PCDHGB6: variants seen among roughly 807,000 people sequenced by gnomAD.
The protein encoded by PCDHGB6 is protocadherin gamma subfamily B, 6.
In PCDHGB6, 51 loss-of-function variants were observed where a neutral mutation model predicts 59.1. The ratio of observed to expected loss-of-function variants is 0.86; its 90% confidence interval spans 0.69 to 1.09. The LOEUF is 1.09. Among genes scored for constraint, PCDHGB6 ranks in the 50% least tolerant of loss-of-function variants. The pLI, the probability that PCDHGB6 is intolerant of heterozygous loss-of-function variation, is 0.00. For synonymous variants in PCDHGB6, 466 were observed against 495.1 expected (o/e 0.94, Z 0.78); for missense variants, 1,148 against 1,205.1 (o/e 0.95, Z 0.70).
intron 1 of PCDHGB6, among the ~76,000 whole-genome samples, chr5:141,457,873 G>C (rs967389295): frequency 2.0e-5 from 3 of 152,200 alleles, no homozygotes; most frequent in Non-Finnish European, 4.4e-5. Context: ...CCACAGGTTA[G>C]GAACCCTGTG....
At chr5:141,413,118 G>C (rs999214227) in intron 1 of PCDHGB6, 1 of 1,517,152 alleles carries the variant, frequency 6.6e-7, no homozygotes, top group Non-Finnish European at 8.9e-7. Flanking sequence ...CAAAGGAACC[G>C]GTTGAAACAC....
intron 1 of PCDHGB6, among the ~76,000 whole-genome samples, chr5:141,474,085 AAAAC>A (rs937548165): frequency 1.3e-5 from 2 of 152,188 alleles, no homozygotes; most frequent in African/African-American, 4.8e-5. Flanking sequence ...CAAAAACCAA[AAAAC>A]AAACAACAAC....
intron 1 of PCDHGB6, chr5:141,414,115 G>A: frequency 6.3e-7 from 1 of 1,591,952 alleles, no homozygotes; most frequent in Middle Eastern, 1.7e-4. Flanking sequence ...TCTAGATTAT[G>A]AAGAAACCGG....
At position 141,454,796 on chromosome 5, in the gene PCDHGB6, A is replaced by ATTTTT. The variant is rs61612330; in HGVS notation, c.2419-39986_2419-39982dup. ...AAGGAAATAATCCTCCATGGTTCTA[A>ATTTTT]TTTTTTTTTTTTTTTTTTTTTTTTT... On this transcript the variant is annotated intron_variant, in intron 1 of 3. Coordinates refer to ENST00000520790, the MANE Select transcript of PCDHGB6 (RefSeq NM_018926.3). 4.5e-3 allele frequency among the ~76,000 whole-genome samples: 350 copies of ATTTTT among 77,444 alleles called. 39 individuals are homozygous for ATTTTT. The highest frequency in any genetic ancestry group is 0.016 in the African/African-American group (266 of 16,872). The allele number at this position is 77,444 out of a possible 152,430, so 50.8% of individuals were successfully genotyped here.
intron 1 of PCDHGB6, among the ~76,000 whole-genome samples, chr5:141,471,744 A>G (rs2099263733): frequency 6.6e-6 from 1 of 152,208 alleles, no homozygotes; most frequent in South Asian, 2.1e-4. Context: ...GAGACATAAC[A>G]TATTTGAGGG....
Position 141,409,740 on chromosome 5 carries a change from T to C in PCDHGB6, c.1538T>C (p.Val513Ala). Residue 513 changes from valine to alanine, a missense_variant, in exon 1 of 4, where the codon GTG (valine) becomes GCG (alanine). Val to Ala is a moderately conservative substitution (Grantham distance 64). This residue lies in a region of PCDHGB6 where 549 missense variants were observed against 527.5 expected (regional missense o/e 1.04). Transcript: ENST00000520790. Reference protein sequence around the residue: ...SYVSVSAQSGVVFAQRAFDHE... With the variant: ...SYVSVSAQSGAVFAQRAFDHE... ...GTGTCAGTGAGCGCGCAGAGCGGGGTGGTGTTCGCGCAGCGCGCCTTTGAT... is the reference window on the plus strand; with the variant it reads ...GTGTCAGTGAGCGCGCAGAGCGGGGCGGTGTTCGCGCAGCGCGCCTTTGAT... 6.2e-7 allele frequency: 1 copy of C among 1,612,820 alleles called. No homozygotes were observed. The highest frequency in any genetic ancestry group is 8.5e-7 in the Non-Finnish European group (1 of 1,179,816).
Position 141,476,464 on chromosome 5 carries a change from G to A in PCDHGB6, c.2419-18343G>A, listed in dbSNP as rs745664477. On this transcript the variant is annotated intron_variant, in intron 1 of 3. Transcript: ENST00000520790. This position sits in a 1 kb window ranked among gnomAD's most constrained non-coding sequence, Gnocchi z 7.6. ...TGGAGTTGGTAGTGGAGAACCCGCT[G>A]GAGCTGTTCAGCGTGGAAGTGGTGA... 3 of 1,614,140 alleles carry A rather than the reference G, an allele frequency of 1.9e-6. No homozygotes were observed. Among genetic ancestry groups the A allele is most frequent in the Non-Finnish European group, 2.5e-6 (3 of 1,180,014 alleles).
At chr5:141,471,901 G>C (rs1224804131) in intron 1 of PCDHGB6, among the ~76,000 whole-genome samples, 1 of 152,146 alleles carries the variant, frequency 6.6e-6, no homozygotes, top group Non-Finnish European at 1.5e-5. Context: ...ATTGACTACA[G>C]ACAAGCATGA....
At chr5:141,423,238 G>A (rs765040062) in intron 1 of PCDHGB6, 3 of 1,613,778 alleles carry the variant, frequency 1.9e-6, no homozygotes, top group South Asian at 1.1e-5. Flanking sequence ...CAGCATCCCC[G>A]AAGTCCTGGC....
At chr5:141,502,368 G>A (rs2099813930) in intron 2 of PCDHGB6, among the ~76,000 whole-genome samples, 1 of 151,996 alleles carries the variant, frequency 6.6e-6, no homozygotes, top group East Asian at 1.9e-4. Context: ...TATTTTTAAA[G>A]AGTCCAGGCC....
At chr5:141,414,533 C>A in intron 1 of PCDHGB6, 1 of 1,613,960 alleles carries the variant, frequency 6.2e-7, no homozygotes, top group Non-Finnish European at 8.5e-7. Context: ...AATGACAACC[C>A]ACCTACCTTC....
In PCDHGB6 at chr5:141,477,472, C is replaced by T. The variant is rs764533834; in HGVS notation, c.2419-17335C>T. 1 of 1,614,156 alleles carries T rather than the reference C, an allele frequency of 6.2e-7. No homozygotes were observed. Among genetic ancestry groups the T allele is most frequent in the South Asian group, 1.1e-5 (1 of 91,080 alleles). Reference sequence around the variant, plus strand: ...GTGTTCAAGTGTCCGACATCAATGACAACCCTCCACAATCTTCTCAATCTT... The same window carrying T: ...GTGTTCAAGTGTCCGACATCAATGATAACCCTCCACAATCTTCTCAATCTT... On this transcript the variant is annotated intron_variant, in intron 1 of 3. Transcript: ENST00000520790. This position sits in a 1 kb window ranked among gnomAD's most constrained non-coding sequence, Gnocchi z 4.9.
In PCDHGB6 at chr5:141,477,200, C is replaced by A; in HGVS notation, c.2419-17607C>A. On this transcript the variant is annotated intron_variant, in intron 1 of 3. Transcript: ENST00000520790. The surrounding 1 kb of genome is among the most constrained non-coding windows in gnomAD (Gnocchi z 4.9). The stretch of plus-strand genomic sequence containing the variant: ...AGTCACCTCCGTGTACAGCCCAGTA[C>A]CCGAGGATGCCCCTCTGGGGACTGT... 6.2e-7 allele frequency: 1 copy of A among 1,614,206 alleles called. No homozygotes were observed. Among genetic ancestry groups the A allele is most frequent in the South Asian group, 1.1e-5 (1 of 91,088 alleles).
chr5:141,450,663 T>C (rs957466690), intron 1 of PCDHGB6, among the ~76,000 whole-genome samples: 1 of 151,652 alleles, frequency 6.6e-6, no homozygotes, highest in Non-Finnish European at 1.5e-5. Flanking sequence ...ATTTTTGTAC[T>C]TTTAGTAGAA....
At chr5:141,413,432 G>A (rs1193674962) in intron 1 of PCDHGB6, 1 of 1,613,992 alleles carries the variant, frequency 6.2e-7, no homozygotes, top group African/African-American at 1.3e-5. Flanking sequence ...CCGCGCAGCG[G>A]CAGCTTGATC....
chr5:141,410,781 T>C, intron 1 of PCDHGB6, 161 bp downstream of exon 1: 2 of 937,378 alleles, frequency 2.1e-6, no homozygotes, highest in Non-Finnish European at 1.5e-6. Flanking sequence ...TCACTATGTA[T>C]TTGGTTCATA....
At chr5:141,478,236 TCA>T in intron 1 of PCDHGB6, 3 of 1,614,156 alleles carry the variant, frequency 1.9e-6, no homozygotes, top group Non-Finnish European at 2.5e-6. Flanking sequence ...GGGTTTGTGG[TCA>T]CAGTGTTCGG....
At position 141,487,855 on chromosome 5, in the gene PCDHGB6, A is replaced by G. The variant is rs1033833406; in HGVS notation, c.2419-6952A>G. The G allele has an allele frequency of 2.1e-6, 2 of 974,092 alleles. No homozygotes were observed. Among genetic ancestry groups the G allele is most frequent in the Non-Finnish European group, 3.0e-6 (2 of 668,870 alleles). The allele number at this position is 974,092 out of a possible 1,614,324, so 60.3% of individuals were successfully genotyped here. Reference sequence around the variant, plus strand: ...TATATCTGAGTAAGAAATGAAAGTAATTGGTGATCAAGAGCCAGGCTGTTG... The same window carrying G: ...TATATCTGAGTAAGAAATGAAAGTAGTTGGTGATCAAGAGCCAGGCTGTTG... On this transcript the variant is annotated intron_variant, in intron 1 of 3. Transcript: ENST00000520790. The surrounding 1 kb of genome is among the most constrained non-coding windows in gnomAD (Gnocchi z 5.0).
Position 141,409,171 on chromosome 5 carries a change from C to G in PCDHGB6, c.969C>G (p.Asp323Glu). The G allele has an allele frequency of 6.2e-7, 1 of 1,613,962 alleles. No homozygotes were observed. The highest frequency in any genetic ancestry group is 1.1e-5 in the South Asian group (1 of 91,072). The change falls in exon 1 of 4, where the codon GAC becomes GAG. Residue 323 changes from aspartate (D) to glutamate (E), a missense_variant. Asp to Glu is a conservative substitution (Grantham distance 45, BLOSUM62 2). Coordinates refer to ENST00000520790, the MANE Select transcript of PCDHGB6 (RefSeq NM_018926.3). Reference protein sequence around the residue: ...ERYTMEVEAKDGGGLSTQCKV... With the variant: ...ERYTMEVEAKEGGGLSTQCKV... ...ACACCATGGAAGTGGAAGCGAAGGA[C>G]GGAGGTGGTCTCTCTACCCAGTGTA...
Sources: allele counts gnomAD v4.1 joint callset (sites outside exome capture counted in the v4.1 genomes callset), GRCh38; gene constraint gnomAD v4.1.1; regional missense constraint gnomAD v4.1.1; non-coding constraint Gnocchi (gnomAD v3.1); transcripts MANE v1.5; gene names NCBI Gene and HGNC (gene_info 2026-07-23, HGNC 2026-07-21).